Variants in EPCAM observed in about 807,000 individuals in gnomAD.
The protein encoded by EPCAM is epithelial cell adhesion molecule, also known as adenocarcinoma-associated antigen.
A neutral mutation model predicts 40.0 loss-of-function variants in EPCAM; 39 were observed. The observed-to-expected ratio is 0.98, with a 90% CI of 0.76 to 1.27. The LOEUF (loss-of-function observed/expected upper bound fraction) is 1.27, where lower values mean the gene tolerates loss of function less well. Ranked by LOEUF, EPCAM falls within the 50% of genes most tolerant of loss-of-function variation. The pLI is 0.00. For missense variants in EPCAM, 503 were observed against 381.2 expected, an observed-to-expected ratio of 1.32 and a Z score of -2.66; for synonymous variants, 168 against 132.3, an observed-to-expected ratio of 1.27 and a Z score of -1.85.
intron 1 of EPCAM, among the ~76,000 whole-genome samples, chr2:47,371,321 C>T (rs1257527572): frequency 6.6e-6 from 1 of 151,618 alleles, no homozygotes; most frequent in African/African-American, 2.4e-5. Context: ...AGTGCAGTGG[C>T]ACATTTACAT....
At chr2:47,381,392 CAAAAAAA>C (rs370875469) in intron 7 of EPCAM, among the ~76,000 whole-genome samples, 26 of 74,366 alleles carry the variant, frequency 3.5e-4, no homozygotes, top group African/African-American at 7.3e-4. Flanking sequence ...AACTCCGTCT[CAAAAAAA>C]AAAAAAAAAA....
rs111349766 is a variant in EPCAM, at chr2:47,378,201, C to T, written c.556-752C>T. On this transcript the variant is annotated intron_variant, in intron 5 of 8. Coordinates refer to ENST00000263735, the MANE Select transcript of EPCAM (RefSeq NM_002354.3). ...CAGCTGAGATTGTGCCACTGCACTC[C>T]AGCCTGGGCGACACAGCAAGACTCC... Among the ~76,000 whole-genome samples the T allele has an allele frequency of 3.6e-3, 554 of 152,080 alleles. 3 individuals carry two copies. Among genetic ancestry groups the T allele is most frequent in the African/African-American group, 0.013 (536 of 41,520 alleles).
chr2:47,380,295 C>T (rs983127418), intron 7 of EPCAM, among the ~76,000 whole-genome samples: 1 of 151,650 alleles, frequency 6.6e-6, no homozygotes, highest in Non-Finnish European at 1.5e-5. Context: ...CCAGCCTGGG[C>T]AACACAGCAG....
chr2:47,369,624 TG>T, intron 1 of EPCAM, 43 bp downstream of exon 1: 2 of 1,539,172 alleles, frequency 1.3e-6, no homozygotes, highest in Non-Finnish European at 1.8e-6. Flanking sequence ...TGGGCTGGGC[TG>T]GGGGGCAGCG....
Position 47,369,388 on chromosome 2 carries a change from G to A in EPCAM, c.-118G>A. On this transcript the variant is annotated 5_prime_UTR_variant, in exon 1 of 9. Transcript: ENST00000263735. ...CCCTCGTCGCTGTCCTCCCGACGCG[G>A]ACCCGCGTGCCCCAGGCCTCGCGCT... 2 of 1,207,124 alleles carry A rather than the reference G, an allele frequency of 1.7e-6. No individual in the cohort carries two copies. Among genetic ancestry groups the A allele is most frequent in the Non-Finnish European group, 1.1e-6 (1 of 927,606 alleles). The allele number at this position is 1,207,124 out of a possible 1,614,324, so 74.8% of individuals were successfully genotyped here. A position where few individuals can be genotyped will look rare whatever the true frequency, so the allele number is the denominator to read the frequency against.
chr2:47,374,506 G>T (rs1671369966), intron 3 of EPCAM, among the ~76,000 whole-genome samples: 2 of 152,176 alleles, frequency 1.3e-5, no homozygotes, highest in Admixed American at 1.3e-4. Context: ...AGCAAAAAAA[G>T]ACTTCATTGG....
chr2:47,380,001 G>A (rs1283214192), intron 7 of EPCAM, 32 bp downstream of exon 7: 2 of 1,579,762 alleles, frequency 1.3e-6, no homozygotes, highest in Non-Finnish European at 1.7e-6. Flanking sequence ...TTTCATTTAA[G>A]GGTATATTTT....
At chr2:47,377,230 T>TA (rs1309715460) in intron 5 of EPCAM, among the ~76,000 whole-genome samples, 153 bp downstream of exon 5, 8 of 151,032 alleles carry the variant, frequency 5.3e-5, no homozygotes, top group African/African-American at 1.9e-4. Context: ...CCTGTTACTG[T>TA]TTTTTTTTGT....
chr2:47,385,734 T>G (rs926113381), intron 8 of EPCAM, among the ~76,000 whole-genome samples: 4 of 152,222 alleles, frequency 2.6e-5, no homozygotes, highest in Admixed American at 2.6e-4. Flanking sequence ...TCTCAATTTT[T>G]GTGTGTCTTT....
At chr2:47,386,099 G>A (rs1671736929) in intron 8 of EPCAM, among the ~76,000 whole-genome samples, 1 of 152,194 alleles carries the variant, frequency 6.6e-6, no homozygotes, top group Non-Finnish European at 1.5e-5. Flanking sequence ...TCAGTGTAAA[G>A]TGTTGGTCCC....
intron 4 of EPCAM, 147 bp downstream of exon 4, chr2:47,375,446 G>C (rs1331387750): frequency 1.5e-6 from 1 of 666,498 alleles, no homozygotes; most frequent in African/African-American, 1.8e-5. Context: ...ATAGCACAGA[G>C]ATTCTGGGAA....
chr2:47,374,668 AT>A (rs984307626), intron 3 of EPCAM, among the ~76,000 whole-genome samples: 1 of 151,208 alleles, frequency 6.6e-6, no homozygotes, highest in African/African-American at 2.4e-5. Context: ...TCGAGATGGA[AT>A]TTCCACTCTT....
At chr2:47,381,724 T>C (rs1671595885) in intron 7 of EPCAM, among the ~76,000 whole-genome samples, 1 of 152,306 alleles carries the variant, frequency 6.6e-6, no homozygotes, top group African/African-American at 2.4e-5. Flanking sequence ...GGGGAAATTA[T>C]GTAAGGCAAG....
chr2:47,376,080 A>G (rs1413207005), intron 4 of EPCAM, among the ~76,000 whole-genome samples: 1 of 152,036 alleles, frequency 6.6e-6, no homozygotes, highest in Non-Finnish European at 1.5e-5. Context: ...CCTCTGATTC[A>G]GGACCCAGTC....
Position 47,386,654 on chromosome 2 carries a change from T to G in EPCAM, c.*41T>G, listed in dbSNP as rs200991028. On this transcript the variant is annotated 3_prime_UTR_variant, in exon 9 of 9. Transcript: ENST00000263735. ...ATTATAGAAGAAGGGAAATAGCAAA[T>G]GGACACAAATTACAAATGTGTGTGC... 8.0e-5 allele frequency: 118 copies of G among 1,470,104 alleles called. No homozygotes were observed. In the East Asian group the frequency reaches 2.3e-3, roughly 28 times the overall value. 91.1% of individuals were successfully genotyped at this position (1,470,104 alleles called of 1,614,324 possible). A position where few individuals can be genotyped will look rare whatever the true frequency, so the allele number is the denominator to read the frequency against.
intron 7 of EPCAM, among the ~76,000 whole-genome samples, chr2:47,381,805 C>T (rs1379836728): frequency 6.6e-6 from 1 of 152,120 alleles, no homozygotes; most frequent in East Asian, 1.9e-4. Context: ...CTTGCTGTGT[C>T]ACCCAGGCTG....
At chr2:47,375,791 C>T (rs1328186494) in intron 4 of EPCAM, among the ~76,000 whole-genome samples, 1 of 151,352 alleles carries the variant, frequency 6.6e-6, no homozygotes, top group South Asian at 2.1e-4. Flanking sequence ...CTGCAACCTG[C>T]GCCTGCCGGT....
chr2:47,381,289 A>T (rs1671581651), intron 7 of EPCAM, among the ~76,000 whole-genome samples: 1 of 147,688 alleles, frequency 6.8e-6, no homozygotes, highest in Non-Finnish European at 1.5e-5. Context: ...CCAGCTACTC[A>T]GGAGGCTGAG....
At chr2:47,369,853 C>A in intron 1 of EPCAM, 1 of 586,040 alleles carries the variant, frequency 1.7e-6, no homozygotes. Flanking sequence ...AGGCAGGGAA[C>A]GGAGTGGCCA....
Sources: gnomAD v4.1 joint callset for allele counts (sites outside exome capture counted in the v4.1 genomes callset) on GRCh38, gnomAD v4.1.1 for gene constraint, MANE v1.5 for transcripts, NCBI Gene and HGNC (gene_info 2026-07-23, HGNC 2026-07-21) for gene names.